Variants in COL5A2 observed in about 807,000 individuals in gnomAD.
COL5A2 encodes collagen type V alpha 2 chain, also known as collagen alpha-2(V) chain.
COL5A2 carries 23 observed loss-of-function variants against 208.2 expected under a neutral mutation model. The ratio of observed to expected loss-of-function variants is 0.11; its 90% CI spans 0.08 to 0.16. COL5A2 has a LOEUF of 0.16. Ranked by LOEUF, COL5A2 falls within the 10% of genes least tolerant of loss-of-function variation. The pLI is 1.00. For missense variants in COL5A2, 1,590 were observed against 1,956.4 expected (o/e 0.81, Z 3.53); for synonymous variants, 625 against 628.5 (o/e 0.99, Z 0.08).
At chr2:189,109,119 C>T (rs1687210185) in intron 2 of COL5A2, among the ~76,000 whole-genome samples, 1 of 151,918 alleles carries the variant, frequency 6.6e-6, no homozygotes, top group South Asian at 2.1e-4. Context: ...CAATTGCCAG[C>T]TCCTAGACCA....
chr2:189,427,030 T>C, the COL5A2 span, among the ~76,000 whole-genome samples: 1 of 152,242 alleles, frequency 6.6e-6, no homozygotes, highest in Non-Finnish European at 1.5e-5. Context: ...GGAAGGCAAG[T>C]GCTGATAGCC....
chr2:189,418,298 TATG>T, the COL5A2 span, among the ~76,000 whole-genome samples: 2 of 152,194 alleles, frequency 1.3e-5, no homozygotes, highest in Non-Finnish European at 2.9e-5. Flanking sequence ...TTAATGGGGA[TATG>T]ATAAGAAAAT....
chr2:189,377,489 A>G, the COL5A2 span, among the ~76,000 whole-genome samples: 2 of 152,330 alleles, frequency 1.3e-5, no homozygotes, highest in South Asian at 2.1e-4. Flanking sequence ...TTGTGTTTCC[A>G]GTTTCTTGAA....
chr2:189,280,649 G>A, the COL5A2 span, among the ~76,000 whole-genome samples: 3 of 152,166 alleles, frequency 2.0e-5, no homozygotes, highest in African/African-American at 4.8e-5. Context: ...AATCAATTCT[G>A]TATTTTCCAG....
At chr2:189,070,956 T>C (rs1686261619) in intron 18 of COL5A2, among the ~76,000 whole-genome samples, 1 of 152,204 alleles carries the variant, frequency 6.6e-6, no homozygotes, top group African/African-American at 2.4e-5. Flanking sequence ...GCACAGTGTT[T>C]GAATATGTCA....
intron 1 of COL5A2, among the ~76,000 whole-genome samples, chr2:189,135,530 C>A (rs568124596): frequency 1.3e-5 from 2 of 152,148 alleles, no homozygotes; most frequent in African/African-American, 4.8e-5. Context: ...AACTGAAGAA[C>A]AAAAGATAAT....
chr2:189,265,968 A>C, the COL5A2 span, among the ~76,000 whole-genome samples: 1 of 152,116 alleles, frequency 6.6e-6, no homozygotes, highest in Non-Finnish European at 1.5e-5. Context: ...TCCACTCTTA[A>C]ATAAATGAAA....
At chr2:189,046,706 T>A (rs1372011225) in intron 45 of COL5A2, among the ~76,000 whole-genome samples, 1 of 152,094 alleles carries the variant, frequency 6.6e-6, no homozygotes, top group Non-Finnish European at 1.5e-5. Flanking sequence ...TGACAAAAAA[T>A]TGTCTTATTT....
the COL5A2 span, among the ~76,000 whole-genome samples, chr2:189,397,940 C>G: frequency 6.6e-6 from 1 of 151,892 alleles, no homozygotes; most frequent in African/African-American, 2.4e-5. Context: ...AAGTTTATCT[C>G]TAAACAGGGC....
chr2:189,118,213 T>C (rs974615229), intron 1 of COL5A2, among the ~76,000 whole-genome samples: 23 of 152,018 alleles, frequency 1.5e-4, no homozygotes, highest in Non-Finnish European at 2.9e-4. Flanking sequence ...TGATGTATTA[T>C]CATTTATTCC....
chr2:189,272,543 G>A, the COL5A2 span, among the ~76,000 whole-genome samples: 2 of 152,110 alleles, frequency 1.3e-5, no homozygotes, highest in African/African-American at 4.8e-5. Context: ...GATAGCATTA[G>A]GAGAAATACT....
At chr2:189,331,628 A>G in the COL5A2 span, among the ~76,000 whole-genome samples, 54 of 152,216 alleles carry the variant, frequency 3.5e-4, no homozygotes, top group Admixed American at 1.2e-3. Context: ...TTCTGCCATG[A>G]TTGTGAGGCC....
the COL5A2 span, among the ~76,000 whole-genome samples, chr2:189,290,252 C>T: frequency 8.9e-4 from 135 of 152,276 alleles, no homozygotes; most frequent in African/African-American, 2.6e-3. Context: ...TGTAAGCACA[C>T]GCTATGATGT....
the COL5A2 span, among the ~76,000 whole-genome samples, chr2:189,270,938 A>C: frequency 1.6e-4 from 24 of 152,250 alleles, no homozygotes; most frequent in Non-Finnish European, 2.9e-4. Context: ...ACCTAGGAAT[A>C]CAACTTATGA....
At chr2:189,311,635 C>A in the COL5A2 span, 2 of 816,618 alleles carry the variant, frequency 2.4e-6, no homozygotes, top group South Asian at 1.4e-5. Flanking sequence ...GGTCCATCTC[C>A]AAGGACTGGA....
At chr2:189,326,676 G>C in the COL5A2 span, among the ~76,000 whole-genome samples, 1 of 151,926 alleles carries the variant, frequency 6.6e-6, no homozygotes, top group Non-Finnish European at 1.5e-5. Context: ...GGGTGACAGA[G>C]GAAGCTCCTG....
At chr2:189,172,777 A>T (rs149456172) in intron 1 of COL5A2, among the ~76,000 whole-genome samples, 7 of 151,978 alleles carry the variant, frequency 4.6e-5, no homozygotes, top group Non-Finnish European at 8.8e-5. Context: ...CACAATTCTG[A>T]TTGGGCATCT....
chr2:189,160,530 C>A lies in COL5A2; in HGVS notation c.97+18978G>T, dbSNP rs567011351. On this transcript the variant is annotated intron_variant, in intron 1 of 53. Transcript: ENST00000374866. ...AAACAAAAATCCTCACTGGACTCTA[C>A]ATCCTGTTCTGACTAGGGTCCTATA... is the stretch of plus-strand genomic sequence containing the variant. 2.7e-3 allele frequency among the ~76,000 whole-genome samples: 414 copies of A among 152,288 alleles called. 2 individuals carry two copies. Among genetic ancestry groups the A allele is most frequent in the African/African-American group, 9.3e-3 (386 of 41,564 alleles).
the COL5A2 span, among the ~76,000 whole-genome samples, chr2:189,290,921 C>G: frequency 6.6e-6 from 1 of 152,022 alleles, no homozygotes; most frequent in African/African-American, 2.4e-5. Context: ...TTTAAAAATT[C>G]TGAAAGAATG....
Sources: allele counts gnomAD v4.1 joint callset (sites outside exome capture counted in the v4.1 genomes callset), GRCh38; gene constraint gnomAD v4.1.1; transcripts MANE v1.5; gene names NCBI Gene and HGNC (gene_info 2026-07-23, HGNC 2026-07-21).